GTF2F2: variants seen among roughly 807,000 people sequenced by gnomAD.
GTF2F2 encodes general transcription factor IIF subunit 2, also known as ATP-dependent helicase GTF2F2.
GTF2F2 carries 23 observed loss-of-function variants against 42.2 expected under a neutral mutation model. That is an observed-to-expected ratio of 0.55 (90% CI 0.39 to 0.77). The LOEUF (loss-of-function observed/expected upper bound fraction) is 0.77. Among genes scored for constraint, GTF2F2 ranks in the 30% least tolerant of loss-of-function variants. GTF2F2 has a pLI of 0.00. For synonymous variants in GTF2F2, 105 were observed against 100.8 expected, an observed-to-expected ratio of 1.04 and a Z score of -0.25; for missense variants, 261 against 287.2, an observed-to-expected ratio of 0.91 and a Z score of 0.66.
At chr13:45,227,619 G>T (rs1393727043) in intron 5 of GTF2F2, among the ~76,000 whole-genome samples, 5 of 152,130 alleles carry the variant, frequency 3.3e-5, no homozygotes, top group East Asian at 3.8e-4. Context: ...TTTCATTGAA[G>T]AATTCTTTAA....
Position 45,140,251 on chromosome 13 carries a change from C to T in GTF2F2, c.140+3445C>T, listed in dbSNP as rs185618910. ...ACAGGCATGAACCACCATGCCCAGC[C>T]GATGTTTAAAATATTTTCAGTCTGC... On this transcript the variant is annotated intron_variant, in intron 2 of 7. Coordinates refer to ENST00000340473, the MANE Select transcript of GTF2F2 (RefSeq NM_004128.3). 1.9e-3 allele frequency among the ~76,000 whole-genome samples: 286 copies of T among 152,072 alleles called. 2 individuals carry two copies. Among genetic ancestry groups the T allele is most frequent in the Middle Eastern group, 6.8e-3 (2 of 292 alleles).
intron 4 of GTF2F2, among the ~76,000 whole-genome samples, chr13:45,153,976 CA>C (rs71070960): frequency 0.024 from 1,742 of 71,332 alleles, 15 homozygotes; most frequent in African/African-American, 0.083. Context: ...GACTCAGTCT[CA>C]AAAAAAAAAA....
At chr13:45,153,760 C>T (rs1459970368) in intron 4 of GTF2F2, among the ~76,000 whole-genome samples, 2 of 152,006 alleles carry the variant, frequency 1.3e-5, no homozygotes, top group Non-Finnish European at 2.9e-5. Context: ...GGCAAATCAC[C>T]TGAGGCCAGG....
intron 2 of GTF2F2, among the ~76,000 whole-genome samples, chr13:45,137,062 C>T (rs892108593): frequency 2.6e-5 from 4 of 152,108 alleles, no homozygotes; most frequent in Non-Finnish European, 5.9e-5. Flanking sequence ...ACCTTAATGG[C>T]GGTGAAGCAG....
intron 6 of GTF2F2, among the ~76,000 whole-genome samples, chr13:45,261,665 C>A (rs1170647968): frequency 6.6e-6 from 1 of 152,094 alleles, no homozygotes. Context: ...TGGCTGCCAA[C>A]AAGTTAGATA....
chr13:45,235,021 G>C (rs1031563346), intron 5 of GTF2F2, among the ~76,000 whole-genome samples: 26 of 125,766 alleles, frequency 2.1e-4, no homozygotes, highest in Admixed American at 8.7e-4. Context: ...CTCCAGCCTG[G>C]GCAACAAGAG....
chr13:45,253,407 C>T (rs1025777010), intron 6 of GTF2F2, among the ~76,000 whole-genome samples: 3 of 152,050 alleles, frequency 2.0e-5, no homozygotes, highest in African/African-American at 2.4e-5. Context: ...AGTAATTTTT[C>T]TCATTGATTA....
At chr13:45,238,833 A>G (rs747128685) in intron 5 of GTF2F2, among the ~76,000 whole-genome samples, 9 of 151,096 alleles carry the variant, frequency 6.0e-5, no homozygotes, top group Middle Eastern at 3.2e-3. Flanking sequence ...AATCTCAGCT[A>G]TTTGGGAGGC....
chr13:45,175,579 T>C lies in GTF2F2; in HGVS notation c.304+23748T>C, dbSNP rs528799211. Among the ~76,000 whole-genome samples the C allele has an allele frequency of 2.0e-5, 3 of 152,348 alleles. No individual in the cohort carries two copies. The South Asian group carries it at 6.2e-4, about 32-fold the overall frequency. ...CAGCATCAGTATCTGTATCCAAATA[T>C]GTGTGTACTCTTCAGTTCTCTTCCT... On this transcript the variant is annotated intron_variant, in intron 4 of 7. Coordinates refer to ENST00000340473, the MANE Select transcript of GTF2F2 (RefSeq NM_004128.3).
intron 6 of GTF2F2, among the ~76,000 whole-genome samples, chr13:45,265,026 C>T (rs185901949): frequency 5.0e-4 from 76 of 152,096 alleles, no homozygotes; most frequent in African/African-American, 1.7e-3. Flanking sequence ...TTTGGGAGGC[C>T]GAGGCGGGCG....
intron 5 of GTF2F2, among the ~76,000 whole-genome samples, chr13:45,227,270 T>C (rs867511967): frequency 9.8e-5 from 15 of 152,348 alleles, no homozygotes; most frequent in Middle Eastern, 6.8e-3. Context: ...GAAGAGCATA[T>C]TGAGTTGTAT....
At chr13:45,239,791 T>C (rs1593511290) in intron 5 of GTF2F2, among the ~76,000 whole-genome samples, 1 of 152,254 alleles carries the variant, frequency 6.6e-6, no homozygotes, top group Non-Finnish European at 1.5e-5. Flanking sequence ...ATTGGGATAG[T>C]ATATATTTAA....
At chr13:45,212,454 T>TCTTTCTTTTCTTTTCTTTTCTTTTCTTTC (rs1214726852) in intron 5 of GTF2F2, among the ~76,000 whole-genome samples, 1 of 64,914 alleles carries the variant, frequency 1.5e-5, no homozygotes, top group African/African-American at 7.1e-5. Context: ...CTTGTTTCTT[T>TCTTTCTTTTCTTTTCTTTTCTTTTCTTTC]CTTTCTTTCT....
At chr13:45,128,304 G>A (rs1443379592) in intron 1 of GTF2F2, among the ~76,000 whole-genome samples, 2 of 148,994 alleles carry the variant, frequency 1.3e-5, no homozygotes, top group East Asian at 4.2e-4. Context: ...GCCGGGCACA[G>A]TGGCTCACGC....
At chr13:45,212,325 A>G (rs1245796032) in intron 5 of GTF2F2, among the ~76,000 whole-genome samples, 2 of 152,158 alleles carry the variant, frequency 1.3e-5, no homozygotes, top group Admixed American at 1.3e-4. Flanking sequence ...TAGGCATTAT[A>G]TAGTTATAGC....
intron 5 of GTF2F2, 131 bp downstream of exon 5, chr13:45,207,636 T>C (rs1430606337): frequency 1.7e-6 from 1 of 585,310 alleles, no homozygotes. Context: ...AGCTGTTTGG[T>C]TTTAAAAGCA....
intron 6 of GTF2F2, among the ~76,000 whole-genome samples, chr13:45,253,981 G>A (rs1875984343): frequency 6.6e-6 from 1 of 151,718 alleles, no homozygotes; most frequent in South Asian, 2.1e-4. Flanking sequence ...GCTGAGGCAG[G>A]AGAATGGGAG....
At chr13:45,279,508 C>G (rs1478214020) in intron 7 of GTF2F2, among the ~76,000 whole-genome samples, 2 of 152,128 alleles carry the variant, frequency 1.3e-5, no homozygotes, top group African/African-American at 4.8e-5. Context: ...AGTGATATCC[C>G]CACCACCACC....
intron 5 of GTF2F2, among the ~76,000 whole-genome samples, chr13:45,241,706 A>G (rs933384696): frequency 1.3e-5 from 2 of 152,216 alleles, no homozygotes; most frequent in Non-Finnish European, 2.9e-5. Flanking sequence ...TGCTGAATCT[A>G]AATGTTAGCA....
Sources: gnomAD v4.1 joint callset for allele counts (sites outside exome capture counted in the v4.1 genomes callset) on GRCh38, gnomAD v4.1.1 for gene constraint, MANE v1.5 for transcripts, NCBI Gene and HGNC (gene_info 2026-07-23, HGNC 2026-07-21) for gene names.